IQGAP2: variants seen among roughly 807,000 people sequenced by gnomAD.
IQGAP2 encodes IQ motif containing GTPase activating protein 2.
In IQGAP2, 173 loss-of-function variants were observed where a neutral mutation model predicts 201.3. The observed-to-expected ratio is 0.86, with a 90% CI of 0.76 to 0.98. The LOEUF is 0.98. Among genes scored for constraint, IQGAP2 ranks in the 50% least tolerant of loss-of-function variants. The pLI is 0.00. For missense variants in IQGAP2, 1,687 were observed against 1,864.8 expected (o/e 0.90, Z 1.76); for synonymous variants, 675 against 673.9 (o/e 1.00, Z -0.03).
intron 15 of IQGAP2, among the ~76,000 whole-genome samples, chr5:76,635,623 G>C (rs182842629): frequency 6.6e-6 from 1 of 152,200 alleles, no homozygotes; most frequent in African/African-American, 2.4e-5. Context: ...TGAGCGGATT[G>C]CTTGACCCCA....
At chr5:76,566,222 T>G (rs1448687225) in intron 3 of IQGAP2, among the ~76,000 whole-genome samples, 4 of 151,856 alleles carry the variant, frequency 2.6e-5, no homozygotes, top group Non-Finnish European at 5.9e-5. Flanking sequence ...CTAAGTGAAT[T>G]TATAGCTGTG....
rs112535938 is a variant in IQGAP2 at position 76,683,089 on chromosome 5, G to C, written c.3661-26G>C. 3.6e-6 allele frequency: 5 copies of C among 1,381,272 alleles called. No individual in the cohort carries two copies. In the East Asian group the frequency reaches 1.2e-4, roughly 32 times the overall value. The allele number at this position is 1,381,272 out of a possible 1,614,324, so 85.6% of individuals were successfully genotyped here. On this transcript the variant is annotated intron_variant, in intron 28 of 35. Coordinates refer to ENST00000274364, the MANE Select transcript of IQGAP2 (RefSeq NM_006633.5). ...CAGTTGAGAATTTACTTTTTTCTTT[G>C]TGTGTGTGTTGCTTTCTACATAAAG...
chr5:76,511,690 T>TTG (rs200682147), intron 2 of IQGAP2, among the ~76,000 whole-genome samples: 3,542 of 148,018 alleles, frequency 0.024, 87 homozygotes, highest in Admixed American at 0.043. Context: ...TGTTTTGTTT[T>TTG]TTTTTTTTGA....
chr5:76,706,281 G>A (rs1747885395), intron 35 of IQGAP2, among the ~76,000 whole-genome samples: 1 of 152,146 alleles, frequency 6.6e-6, no homozygotes, highest in South Asian at 2.1e-4. Flanking sequence ...CCCAGTGAAT[G>A]TCTTGCTCAC....
chr5:76,405,809 C>T (rs1750765473), intron 1 of IQGAP2, among the ~76,000 whole-genome samples: 1 of 152,108 alleles, frequency 6.6e-6, no homozygotes. Context: ...ATTGTCCTTG[C>T]TCTGTTGTGT....
rs187352493 is a variant in IQGAP2 at position 76,508,100 on chromosome 5, G to A, written c.146+46431G>A. 1.3e-4 allele frequency among the ~76,000 whole-genome samples: 19 copies of A among 151,816 alleles called. 1 individual carries two copies. Among genetic ancestry groups the A allele is most frequent in the African/African-American group, 2.9e-4 (12 of 41,370 alleles). On this transcript the variant is annotated intron_variant, in intron 2 of 35. Transcript: ENST00000274364. ...AATCCCAGCACTTTGGGAGGCTGAG[G>A]CAGGTGGATCACTTGAGGTCAGGAG...
rs1216639047 is a variant in IQGAP2, at chr5:76,661,385, A to G, written c.2529+2718A>G. The stretch of plus-strand genomic sequence containing the variant: ...CACAGGAGCCAAAAAATAAAAAATA[A>G]AAAAGTATAGGTCAGCCTAGCTGGA... On this transcript the variant is annotated intron_variant, in intron 21 of 35. Coordinates refer to ENST00000274364, the MANE Select transcript of IQGAP2 (RefSeq NM_006633.5). Among the ~76,000 whole-genome samples the G allele has an allele frequency of 5.3e-5, 8 of 152,188 alleles. 1 individual carries two copies. Among genetic ancestry groups the G allele is most frequent in the Non-Finnish European group, 2.9e-5 (2 of 68,024 alleles).
chr5:76,590,390 T>C lies in IQGAP2; in HGVS notation c.641-18T>C. ...TTGCTGATAAAAACCTTTTTCTCTCTCTCTCTTTACTTTTTAGTACATGCT... is the reference window on the plus strand; with the variant it reads ...TTGCTGATAAAAACCTTTTTCTCTCCCTCTCTTTACTTTTTAGTACATGCT... On this transcript the variant is annotated intron_variant, in intron 7 of 35. Coordinates refer to ENST00000274364, the MANE Select transcript of IQGAP2 (RefSeq NM_006633.5). The C allele has an allele frequency of 1.9e-6, 3 of 1,565,336 alleles. No homozygotes were observed. The highest frequency in any genetic ancestry group is 1.7e-6 in the Non-Finnish European group (2 of 1,154,726).
chr5:76,656,186 G>A (rs1862244), intron 20 of IQGAP2, among the ~76,000 whole-genome samples: 94,984 of 151,750 alleles, frequency 0.63, 29,973 homozygotes, highest in South Asian at 0.82. Context: ...TTGTTTTTGG[G>A]GTTTTTTGTT....
chr5:76,589,843 G>T, intron 7 of IQGAP2, 115 bp downstream of exon 7: 1 of 508,646 alleles, frequency 2.0e-6, no homozygotes. Flanking sequence ...CACCCTAAAA[G>T]TTTTTATTAT....
intron 1 of IQGAP2, among the ~76,000 whole-genome samples, chr5:76,444,266 C>T (rs936991024): frequency 6.6e-6 from 1 of 152,006 alleles, no homozygotes; most frequent in South Asian, 2.1e-4. Context: ...AAAATAGATG[C>T]TTACATCAGT....
At chr5:76,676,762 C>T (rs1744856108) in intron 27 of IQGAP2, among the ~76,000 whole-genome samples, 1 of 152,200 alleles carries the variant, frequency 6.6e-6, no homozygotes, top group African/African-American at 2.4e-5. Flanking sequence ...GTAACAGAAG[C>T]TCTGAAGGGT....
At chr5:76,492,631 G>A (rs542010192) in intron 2 of IQGAP2, among the ~76,000 whole-genome samples, 9 of 152,324 alleles carry the variant, frequency 5.9e-5, no homozygotes, top group Middle Eastern at 3.4e-3. Context: ...TTATCCTGAC[G>A]TACAGAAGAG....
chr5:76,455,084 G>T (rs1283974203), intron 1 of IQGAP2, among the ~76,000 whole-genome samples: 1 of 152,114 alleles, frequency 6.6e-6, no homozygotes, highest in South Asian at 2.1e-4. Flanking sequence ...TTTTTCTCTT[G>T]TGTGAAATTT....
At chr5:76,681,701 AAATT>A (rs1282328958) in intron 28 of IQGAP2, among the ~76,000 whole-genome samples, 1 of 152,188 alleles carries the variant, frequency 6.6e-6, no homozygotes, top group African/African-American at 2.4e-5. Context: ...CAATTAAAAA[AAATT>A]AAACATAGAA....
intron 35 of IQGAP2, among the ~76,000 whole-genome samples, chr5:76,705,250 G>T (rs1358156335): frequency 6.6e-6 from 1 of 152,138 alleles, no homozygotes; most frequent in Non-Finnish European, 1.5e-5. Context: ...AGTTGATCCT[G>T]CAAGACAAGA....
intron 1 of IQGAP2, among the ~76,000 whole-genome samples, chr5:76,437,623 G>A (rs562986384): frequency 6.6e-6 from 1 of 152,270 alleles, no homozygotes; most frequent in East Asian, 1.9e-4. Flanking sequence ...GAGAACGTGT[G>A]GTGTTTGGTT....
At chr5:76,535,672 G>T (rs898155282) in intron 2 of IQGAP2, among the ~76,000 whole-genome samples, 1 of 152,192 alleles carries the variant, frequency 6.6e-6, no homozygotes, top group African/African-American at 2.4e-5. Context: ...GACTCCTGTG[G>T]TCTAGGCAGA....
intron 9 of IQGAP2, among the ~76,000 whole-genome samples, chr5:76,594,759 G>A (rs940275182): frequency 5.3e-5 from 8 of 152,058 alleles, no homozygotes; most frequent in Admixed American, 6.6e-5. Context: ...GAGGTCAAGC[G>A]TTCAAGACCA....
Sources: gnomAD v4.1 joint callset for allele counts (sites outside exome capture counted in the v4.1 genomes callset) on GRCh38, gnomAD v4.1.1 for gene constraint, MANE v1.5 for transcripts, NCBI Gene and HGNC (gene_info 2026-07-23, HGNC 2026-07-21) for gene names.